The following KIF26B variants were observed in gnomAD, a reference collection of about 807,000 sequenced individuals.
KIF26B encodes kinesin-like protein KIF26B.
A neutral mutation model predicts 151.2 loss-of-function variants in KIF26B; 63 were observed. That is an observed-to-expected ratio of 0.42 (90% CI 0.34 to 0.51). KIF26B has a LOEUF of 0.51. Ranked by LOEUF, KIF26B falls within the 20% of genes least tolerant of loss-of-function variation. KIF26B has a pLI of 0.07. For synonymous variants in KIF26B, 1,357 were observed against 1,262.1 expected (o/e 1.08, Z -1.59); for missense variants, 2,813 against 2,913.6 (o/e 0.97, Z 0.79).
chr1:245,671,217 T>C (rs570913555), intron 10 of KIF26B, among the ~76,000 whole-genome samples: 3 of 152,340 alleles, frequency 2.0e-5, no homozygotes, highest in East Asian at 3.9e-4. Context: ...TGTGTATATA[T>C]ACCACATTTT....
intron 2 of KIF26B, among the ~76,000 whole-genome samples, chr1:245,215,705 G>C (rs1056482860): frequency 5.3e-5 from 8 of 152,160 alleles, no homozygotes. Flanking sequence ...GTATGTGCTG[G>C]ATCTGGAAAG....
rs57007301 is a variant in KIF26B, at chr1:245,344,494, C to CAAA, written c.466-22315_466-22313dup. On this transcript the variant is annotated intron_variant, in intron 2 of 14. Transcript: ENST00000407071. ...TGGGTGACTGAGCTAGACTCCGTCTCAAAAAAAAAAAAAAAAAAAAAAAAA... is the reference window on the plus strand; with the variant it reads ...TGGGTGACTGAGCTAGACTCCGTCTCAAAAAAAAAAAAAAAAAAAAAAAAAAAA... Among the ~76,000 whole-genome samples the CAAA allele has an allele frequency of 4.7e-3, 186 of 39,986 alleles. 7 individuals carry two copies. Among genetic ancestry groups the CAAA allele is most frequent in the African/African-American group, 6.7e-3 (136 of 20,282 alleles). The allele number at this position is 39,986 out of a possible 152,430, so 26.2% of individuals were successfully genotyped here.
chr1:245,394,770 A>G (rs1673789695), intron 3 of KIF26B, among the ~76,000 whole-genome samples: 1 of 132,480 alleles, frequency 7.5e-6, no homozygotes, highest in Admixed American at 8.9e-5. Context: ...GGCTCACCGC[A>G]GTCTCCACCT....
intron 4 of KIF26B, among the ~76,000 whole-genome samples, chr1:245,445,189 G>A (rs897351433): frequency 6.6e-6 from 1 of 152,158 alleles, no homozygotes; most frequent in Non-Finnish European, 1.5e-5. Context: ...GGGCTGTTTG[G>A]AAAGCATAGA....
intron 5 of KIF26B, among the ~76,000 whole-genome samples, chr1:245,556,377 CCTT>C (rs1213186494): frequency 7.3e-6 from 1 of 137,804 alleles, no homozygotes; most frequent in Non-Finnish European, 1.5e-5. Flanking sequence ...TCTTCTTCCT[CCTT>C]CTTCTTCTTC....
chr1:245,363,104 GT>G (rs1208647993), intron 2 of KIF26B, among the ~76,000 whole-genome samples: 1 of 152,194 alleles, frequency 6.6e-6, no homozygotes, highest in Non-Finnish European at 1.5e-5. Context: ...CATGGCCCTA[GT>G]CCATCTCCTA....
chr1:245,364,952 A>T (rs942613159), intron 2 of KIF26B, among the ~76,000 whole-genome samples: 8 of 152,240 alleles, frequency 5.3e-5, no homozygotes, highest in African/African-American at 1.9e-4. Context: ...TAGTGAAAAC[A>T]TGGGGCTGGA....
chr1:245,509,335 G>A (rs1028568319), intron 4 of KIF26B, among the ~76,000 whole-genome samples: 1 of 152,156 alleles, frequency 6.6e-6, no homozygotes, highest in African/African-American at 2.4e-5. Flanking sequence ...TGAGACTTTT[G>A]AAAAGTTTCC....
chr1:245,353,979 AC>A (rs1672626305), intron 2 of KIF26B: 1 of 152,562 alleles, frequency 6.6e-6, no homozygotes, highest in Admixed American at 6.6e-5. Context: ...CCAGGATTTT[AC>A]ATCCTCTGCT....
intron 2 of KIF26B, among the ~76,000 whole-genome samples, chr1:245,325,520 C>G (rs544941506): frequency 6.6e-6 from 1 of 152,296 alleles, no homozygotes; most frequent in African/African-American, 2.4e-5. Flanking sequence ...CGAGACCAGC[C>G]TGACCAACAT....
intron 2 of KIF26B, among the ~76,000 whole-genome samples, chr1:245,163,523 T>C (rs1668565626): frequency 1.3e-5 from 2 of 152,204 alleles, no homozygotes; most frequent in Non-Finnish European, 1.5e-5. Flanking sequence ...ATAGTGCCTT[T>C]CTTTTCTAGG....
chr1:245,282,505 A>G (rs12738096), intron 2 of KIF26B, among the ~76,000 whole-genome samples: 8,077 of 152,288 alleles, frequency 0.053, 252 homozygotes, highest in Middle Eastern at 0.088. Flanking sequence ...GTTCCTAGCA[A>G]CATGGCCGCC....
At chr1:245,532,297 G>A (rs563376774) in intron 4 of KIF26B, among the ~76,000 whole-genome samples, 1 of 144,490 alleles carries the variant, frequency 6.9e-6, no homozygotes, top group Non-Finnish European at 1.5e-5. Context: ...CCAGGCTGGA[G>A]TGCAGTGGCG....
At chr1:245,657,596 G>A (rs1383158711) in intron 10 of KIF26B, among the ~76,000 whole-genome samples, 2 of 152,064 alleles carry the variant, frequency 1.3e-5, no homozygotes, top group Non-Finnish European at 2.9e-5. Flanking sequence ...GAGCTCTTCC[G>A]AATTTGGGCC....
chr1:245,647,540 C>T (rs2043965663), intron 10 of KIF26B, among the ~76,000 whole-genome samples: 1 of 151,970 alleles, frequency 6.6e-6, no homozygotes, highest in African/African-American at 2.4e-5. Flanking sequence ...CTATCCTCAC[C>T]TATTTAAAGG....
In KIF26B at chr1:245,218,711, T is replaced by G. The variant is rs1669698673; in HGVS notation, c.465+62028T>G. Among the ~76,000 whole-genome samples, 1 of 152,168 alleles carries G rather than the reference T, an allele frequency of 6.6e-6. No homozygotes were observed. The highest frequency in any genetic ancestry group is 1.5e-5 in the Non-Finnish European group (1 of 68,020). ...CACATGTGCGCTCTAGCTCAGAATT[T>G]TAATAAGCAAATATACATGGTACCT... On this transcript the variant is annotated intron_variant, in intron 2 of 14. Coordinates refer to ENST00000407071, the MANE Select transcript of KIF26B (RefSeq NM_018012.4). The surrounding 1 kb of genome is among the most constrained non-coding windows in gnomAD (Gnocchi z 4.1).
rs6669527 is a variant in KIF26B at position 245,652,143 on chromosome 1, T to G, written c.2258+5863T>G. On this transcript the variant is annotated intron_variant, in intron 10 of 14. Coordinates refer to ENST00000407071, the MANE Select transcript of KIF26B (RefSeq NM_018012.4). The stretch of plus-strand genomic sequence containing the variant: ...GTGTGTGTGTGTGTGTGTGTGTGTG[T>G]GTGAGAGAGACATATGCATATTTAA... 2.8e-3 allele frequency among the ~76,000 whole-genome samples: 307 copies of G among 111,260 alleles called. 1 individual carries two copies. Among genetic ancestry groups the G allele is most frequent in the African/African-American group, 9.1e-3 (206 of 22,562 alleles). 73.0% of individuals were successfully genotyped at this position (111,260 alleles called of 152,430 possible).
At chr1:245,253,800 CTTTTTTTTTTT>C (rs5782330) in intron 2 of KIF26B, among the ~76,000 whole-genome samples, 92 of 72,182 alleles carry the variant, frequency 1.3e-3, no homozygotes, top group African/African-American at 4.9e-3. Context: ...TGAAGTCCTG[CTTTTTTTTTTT>C]TTTTTTTTTT....
At position 245,698,870 on chromosome 1, in the gene KIF26B, C is replaced by T. The variant is rs1558280134; in HGVS notation, c.6028-17C>T. 1.1e-5 allele frequency: 17 copies of T among 1,610,240 alleles called. No homozygotes were observed. Among genetic ancestry groups the T allele is most frequent in the Admixed American group, 8.4e-5 (5 of 59,834 alleles). ...TGTGAGCAGAAGGGCCCTTTCTCCT[C>T]TCTGTCTGTGTGCTAGGAGGCCATG... is the stretch of plus-strand genomic sequence containing the variant. On this transcript the variant is annotated splice_polypyrimidine_tract_variant and intron_variant, in intron 13 of 14. Coordinates refer to ENST00000407071, the MANE Select transcript of KIF26B (RefSeq NM_018012.4). This position sits in a 1 kb window ranked among gnomAD's most constrained non-coding sequence, Gnocchi z 4.0.
Sources: gnomAD v4.1 joint callset for allele counts (sites outside exome capture counted in the v4.1 genomes callset) on GRCh38, gnomAD v4.1.1 for gene constraint, Gnocchi (gnomAD v3.1) non-coding constraint, MANE v1.5 for transcripts, NCBI Gene and HGNC (gene_info 2026-07-23, HGNC 2026-07-21) for gene names.